The following LHFPL6 variants were observed in gnomAD, a reference collection of about 807,000 sequenced individuals.
LHFPL6 encodes LHFPL tetraspan subfamily member 6, also known as LHFPL tetraspan subfamily member 6 protein.
A neutral mutation model predicts 20.6 loss-of-function variants in LHFPL6; 9 were observed. The observed-to-expected ratio is 0.44, with a 90% CI of 0.26 to 0.76. The LOEUF is 0.76. Ranked by LOEUF, LHFPL6 falls within the 30% of genes least tolerant of loss-of-function variation. The pLI, the probability that LHFPL6 is intolerant of heterozygous loss-of-function variation, is 0.20. For missense variants in LHFPL6, 218 were observed against 253.5 expected (o/e 0.86, Z 0.95); for synonymous variants, 105 against 98.7 (o/e 1.06, Z -0.38).
intron 2 of LHFPL6, among the ~76,000 whole-genome samples, chr13:39,548,205 C>A (rs570168537): frequency 2.0e-5 from 3 of 151,764 alleles, no homozygotes; most frequent in African/African-American, 7.3e-5. Flanking sequence ...TGGGAAATTA[C>A]CTCCTTCCAA....
intron 2 of LHFPL6, among the ~76,000 whole-genome samples, chr13:39,569,700 T>G (rs939231108): frequency 1.3e-5 from 2 of 152,196 alleles, no homozygotes; most frequent in African/African-American, 4.8e-5. Context: ...AAAAGTCAAG[T>G]TTGGATGACA....
At chr13:39,352,895 G>GTA (rs1205967041) in intron 3 of LHFPL6, among the ~76,000 whole-genome samples, 5 of 30,728 alleles carry the variant, frequency 1.6e-4, no homozygotes, top group African/African-American at 3.0e-4. Context: ...ATATATATGT[G>GTA]TATATATATA....
At position 39,352,974 on chromosome 13, in the gene LHFPL6, T is replaced by C. The variant is rs183323018; in HGVS notation, c.485-8920A>G. ...ATATACATACATACACACACACACA[T>C]ATATATATATATATAATTTTTTTTT... On this transcript the variant is annotated intron_variant, in intron 3 of 3. Coordinates refer to ENST00000379589, the MANE Select transcript of LHFPL6 (RefSeq NM_005780.3). Among the ~76,000 whole-genome samples, 98 of 121,682 alleles carry C rather than the reference T, an allele frequency of 8.1e-4. 1 individual carries two copies. Among genetic ancestry groups the C allele is most frequent in the East Asian group, 1.3e-3 (5 of 3,810 alleles). 79.8% of individuals were successfully genotyped at this position (121,682 alleles called of 152,430 possible).
intron 2 of LHFPL6, among the ~76,000 whole-genome samples, chr13:39,533,393 C>T (rs1258041683): frequency 6.7e-6 from 1 of 148,576 alleles, no homozygotes; most frequent in Non-Finnish European, 1.5e-5. Flanking sequence ...GCTCCTGTTT[C>T]TACCATCACA....
At chr13:39,480,535 G>A (rs898888096) in intron 2 of LHFPL6, among the ~76,000 whole-genome samples, 2 of 152,128 alleles carry the variant, frequency 1.3e-5, no homozygotes, top group Admixed American at 6.5e-5. Context: ...TACCCCAAAA[G>A]CATGTGTCTT....
chr13:39,535,517 T>G (rs1458079275), intron 2 of LHFPL6, among the ~76,000 whole-genome samples: 4 of 152,320 alleles, frequency 2.6e-5, no homozygotes, highest in Non-Finnish European at 5.9e-5. Context: ...TGGAAGAAAC[T>G]TAGATAAAAA....
intron 2 of LHFPL6, among the ~76,000 whole-genome samples, chr13:39,387,547 CAAAAAA>C (rs141082421): frequency 2.0e-4 from 18 of 87,948 alleles, no homozygotes; most frequent in East Asian, 3.4e-4. Flanking sequence ...GACTGTCTCA[CAAAAAA>C]AAAAAAAAAA....
intron 3 of LHFPL6, among the ~76,000 whole-genome samples, chr13:39,367,112 G>C (rs914243771): frequency 8.5e-5 from 13 of 152,212 alleles, no homozygotes; most frequent in African/African-American, 3.1e-4. Flanking sequence ...CAATTCACTA[G>C]GAAGGCTGAA....
chr13:39,454,855 T>C (rs1223946459), intron 2 of LHFPL6, among the ~76,000 whole-genome samples: 1 of 152,192 alleles, frequency 6.6e-6, no homozygotes, highest in Non-Finnish European at 1.5e-5. Flanking sequence ...TACAATATTT[T>C]CATCCAATAG....
chr13:39,390,812 T>C lies in LHFPL6; in HGVS notation c.386-12286A>G, dbSNP rs142678473. On this transcript the variant is annotated intron_variant, in intron 2 of 3. Coordinates refer to ENST00000379589, the MANE Select transcript of LHFPL6 (RefSeq NM_005780.3). The stretch of plus-strand genomic sequence containing the variant: ...GAGTTCGAGACCAGTCTGGCCAACA[T>C]GGTGAAACCCCATCTATACTAAAAA... 6.1e-3 allele frequency among the ~76,000 whole-genome samples: 925 copies of C among 152,130 alleles called. 7 individuals carry two copies. The highest frequency in any genetic ancestry group is 0.021 in the African/African-American group (865 of 41,506).
At chr13:39,443,239 G>A (rs943045179) in intron 2 of LHFPL6, among the ~76,000 whole-genome samples, 9 of 152,130 alleles carry the variant, frequency 5.9e-5, no homozygotes, top group African/African-American at 2.2e-4. Context: ...TCTCTCATAT[G>A]CACTCTTTTG....
chr13:39,390,105 T>G (rs1304123658), intron 2 of LHFPL6, among the ~76,000 whole-genome samples: 1 of 152,142 alleles, frequency 6.6e-6, no homozygotes, highest in Admixed American at 6.5e-5. Flanking sequence ...TCTAAGGGTC[T>G]TAAGTAAATC....
intron 2 of LHFPL6, among the ~76,000 whole-genome samples, chr13:39,515,011 T>C (rs1472824060): frequency 6.6e-6 from 1 of 152,234 alleles, no homozygotes; most frequent in Admixed American, 6.5e-5. Flanking sequence ...AAATCAGCCC[T>C]ACACATTCCT....
intron 2 of LHFPL6, among the ~76,000 whole-genome samples, chr13:39,564,206 T>C (rs1871640491): frequency 6.6e-6 from 1 of 152,210 alleles, no homozygotes; most frequent in Non-Finnish European, 1.5e-5. Context: ...GTCTGTTTAG[T>C]ACACTCTGAA....
intron 2 of LHFPL6, among the ~76,000 whole-genome samples, chr13:39,560,757 C>T (rs571952377): frequency 3.4e-4 from 51 of 152,158 alleles, no homozygotes; most frequent in African/African-American, 1.1e-3. Flanking sequence ...CCTCATGATC[C>T]GCCCACCTCG....
chr13:39,566,675 G>C (rs983438090), intron 2 of LHFPL6, among the ~76,000 whole-genome samples: 2 of 141,210 alleles, frequency 1.4e-5, no homozygotes, highest in Non-Finnish European at 3.0e-5. Flanking sequence ...CCAGGCTGCA[G>C]TGAGCTGAGA....
rs117907687 is a variant in LHFPL6 at position 39,345,651 on chromosome 13, C to G, written c.485-1597G>C. Among the ~76,000 whole-genome samples the G allele has an allele frequency of 1.8e-4, 28 of 151,732 alleles. No homozygotes were observed. The East Asian group carries it at 5.1e-3, about 27-fold the overall frequency. On this transcript the variant is annotated intron_variant, in intron 3 of 3. Transcript: ENST00000379589. ...CTCAATGACAACCAGCGTTTGACTA[C>G]TGCATACCGAAGTGTTCCCACAGCG... is the stretch of plus-strand genomic sequence containing the variant.
chr13:39,558,935 T>C (rs578220833), intron 2 of LHFPL6, among the ~76,000 whole-genome samples: 11 of 152,254 alleles, frequency 7.2e-5, no homozygotes, highest in Non-Finnish European at 1.0e-4. Context: ...ATGAAATTCT[T>C]GTTCATTTCA....
chr13:39,372,568 CTT>C (rs1024199453), intron 3 of LHFPL6, among the ~76,000 whole-genome samples: 1 of 152,170 alleles, frequency 6.6e-6, no homozygotes, highest in African/African-American at 2.4e-5. Context: ...GAGTAACAGA[CTT>C]TGATTTGTGA....
Sources: gnomAD v4.1 joint callset for allele counts (sites outside exome capture counted in the v4.1 genomes callset) on GRCh38, gnomAD v4.1.1 for gene constraint, MANE v1.5 for transcripts, NCBI Gene and HGNC (gene_info 2026-07-23, HGNC 2026-07-21) for gene names.